Variants in IMMT observed in about 807,000 individuals in gnomAD.
The protein encoded by IMMT is MICOS complex subunit MIC60.
Under a neutral mutation model 92.7 loss-of-function variants are expected in IMMT, and 40 were observed. The ratio of observed to expected loss-of-function variants is 0.43; its 90% CI spans 0.34 to 0.56. IMMT has a LOEUF of 0.56. IMMT is among the 20% of genes least tolerant of loss of function. IMMT has a pLI of 0.03. For missense variants in IMMT, 831 were observed against 912.1 expected, an observed-to-expected ratio of 0.91 and a Z score of 1.14; for synonymous variants, 322 against 336.1, an observed-to-expected ratio of 0.96 and a Z score of 0.46.
chr2:86,154,776 G>A (rs1212784567), intron 10 of IMMT, among the ~76,000 whole-genome samples: 1 of 152,170 alleles, frequency 6.6e-6, no homozygotes, highest in Admixed American at 6.5e-5. Context: ...AGTATCACAA[G>A]TACCCAGTGT....
Position 86,173,701 on chromosome 2 carries a change from G to A in IMMT, c.370C>T (p.Pro124Ser), listed in dbSNP as rs1050301. 538,940 of 1,598,506 alleles carry A rather than the reference G, an allele frequency of 0.34. 96,177 individuals carry two copies. The highest frequency in any genetic ancestry group is 0.49 in the East Asian group (22,013 of 44,724). Reference sequence around the variant, plus strand: ...TTTTGTTTTTGGAGTTGTGAGGCAGGCTGTTTAGATTCTTTCATTACTTCT... The same window carrying A: ...TTTTGTTTTTGGAGTTGTGAGGCAGACTGTTTAGATTCTTTCATTACTTCT... ...VSEVMKESKQ[P>S]ASQLQKQKGD... The change falls in exon 4 of 15, where the codon CCT becomes TCT. Residue 124 changes from proline (P) to serine (S), a missense_variant. Transcript: ENST00000410111.
chr2:86,175,691 GATGTTTA>G (rs1677386195), intron 3 of IMMT, among the ~76,000 whole-genome samples: 1 of 148,946 alleles, frequency 6.7e-6, no homozygotes. Context: ...AAGTTGACAC[GATGTTTA>G]ACAGTAGAGA....
At position 86,179,499 on chromosome 2, in the gene IMMT, G is replaced by A; in HGVS notation, c.243C>T (p.Tyr81=). Residue 81 remains tyrosine, a synonymous_variant, in exon 3 of 15, where the codon TAC becomes TAT. Transcript: ENST00000410111. ...GAACCATCTCGAAGAGTTTGTCTGA[G>A]TAAGGTATGGTTTTCTCTACACTTT... ...FRESVEKTIP[Y]SDKLFEMVLG... 1 of 1,613,438 alleles carries A rather than the reference G, an allele frequency of 6.2e-7. No individual in the cohort carries two copies. The highest frequency in any genetic ancestry group is 8.5e-7 in the Non-Finnish European group (1 of 1,179,660).
intron 4 of IMMT, among the ~76,000 whole-genome samples, chr2:86,172,161 G>T (rs1444331619): frequency 6.6e-6 from 1 of 151,788 alleles, no homozygotes; most frequent in African/African-American, 2.4e-5. Flanking sequence ...TAGAGACAGG[G>T]TCTCCCCTCT....
intron 3 of IMMT, among the ~76,000 whole-genome samples, chr2:86,175,907 G>GA (rs1381054888): frequency 1.3e-5 from 2 of 152,180 alleles, no homozygotes; most frequent in African/African-American, 4.8e-5. Context: ...GATCTTAGAT[G>GA]AGTTCTATCT....
At chr2:86,176,578 C>G (rs952843611) in intron 3 of IMMT, among the ~76,000 whole-genome samples, 2 of 152,232 alleles carry the variant, frequency 1.3e-5, no homozygotes, top group Admixed American at 6.5e-5. Flanking sequence ...GAAGAATCTA[C>G]GAATTCTGGC....
rs7597608 is a variant in IMMT, at chr2:86,145,275, A to G, written c.1664-394T>C. Among the ~76,000 whole-genome samples the G allele has an allele frequency of 6.4e-3, 976 of 152,072 alleles. 10 individuals are homozygous for G. The highest frequency in any genetic ancestry group is 0.022 in the African/African-American group (923 of 41,506). On this transcript the variant is annotated intron_variant, in intron 14 of 14. Transcript: ENST00000410111. Reference sequence around the variant, plus strand: ...TTTGGGAGGCCGAGGTGGGTGGATCACTTGTGGTCAGGAGTTCAGGACTAG... The same window carrying G: ...TTTGGGAGGCCGAGGTGGGTGGATCGCTTGTGGTCAGGAGTTCAGGACTAG...
At chr2:86,177,605 GAAAA>G (rs1185082314) in intron 3 of IMMT, among the ~76,000 whole-genome samples, 2 of 135,334 alleles carry the variant, frequency 1.5e-5, no homozygotes, top group African/African-American at 5.5e-5. Context: ...TGTCTCAAAA[GAAAA>G]AAAAAAGAAA....
chr2:86,167,651 A>G (rs1262292102), intron 6 of IMMT, among the ~76,000 whole-genome samples: 1 of 150,540 alleles, frequency 6.6e-6, no homozygotes, highest in Non-Finnish European at 1.5e-5. Flanking sequence ...CGCTCAGCTA[A>G]TATTTTGTAT....
At chr2:86,153,793 G>T (rs1438501798) in intron 10 of IMMT, among the ~76,000 whole-genome samples, 1 of 152,116 alleles carries the variant, frequency 6.6e-6, no homozygotes, top group Non-Finnish European at 1.5e-5. Context: ...GAAAATAAAA[G>T]AATCATTGAT....
intron 6 of IMMT, among the ~76,000 whole-genome samples, chr2:86,168,777 A>G (rs1262366755): frequency 1.3e-5 from 2 of 152,228 alleles, no homozygotes; most frequent in Admixed American, 6.5e-5. Flanking sequence ...TGCAAGAAAG[A>G]TAAGAGGAAA....
intron 1 of IMMT, among the ~76,000 whole-genome samples, chr2:86,193,431 GT>G (rs1172281597): frequency 6.6e-6 from 1 of 151,764 alleles, no homozygotes; most frequent in East Asian, 1.9e-4. Context: ...GAAAGATGGG[GT>G]TTAATAAAGT....
chr2:86,164,691 A>AAAAAAAAG (rs1676546652), intron 7 of IMMT, among the ~76,000 whole-genome samples: 1 of 148,962 alleles, frequency 6.7e-6, no homozygotes, highest in Non-Finnish European at 1.5e-5. Context: ...CTCTGTCTCA[A>AAAAAAAAG]AAAAAAAAAA....
chr2:86,180,853 C>T (rs1672391137), intron 2 of IMMT, among the ~76,000 whole-genome samples: 1 of 151,750 alleles, frequency 6.6e-6, no homozygotes, highest in Admixed American at 6.6e-5. Context: ...AGCCACTGCA[C>T]TCCAGCCTGG....
intron 1 of IMMT, chr2:86,193,229 C>T (rs1673276992): frequency 1.3e-5 from 2 of 151,664 alleles, no homozygotes; most frequent in Non-Finnish European, 2.9e-5. Flanking sequence ...CACAGAGAGA[C>T]TCCGTCTCTA....
At chr2:86,168,682 A>G (rs1676886968) in intron 6 of IMMT, among the ~76,000 whole-genome samples, 1 of 152,234 alleles carries the variant, frequency 6.6e-6, no homozygotes, top group South Asian at 2.1e-4. Flanking sequence ...GTATTTGACA[A>G]GCGAGAAAAA....
chr2:86,191,476 C>T (rs2105703576), intron 1 of IMMT, among the ~76,000 whole-genome samples: 1 of 152,300 alleles, frequency 6.6e-6, no homozygotes, highest in South Asian at 2.1e-4. Flanking sequence ...GCACCATCCA[C>T]TCTCCTGGGT....
intron 5 of IMMT, 35 bp downstream of exon 5, chr2:86,171,173 A>G (rs1016405674): frequency 6.5e-7 from 1 of 1,537,422 alleles, no homozygotes; most frequent in African/African-American, 1.4e-5. Flanking sequence ...TGAGTGTATC[A>G]TGTATAAAAG....
chr2:86,170,379 A>G (rs1289306474), intron 6 of IMMT, among the ~76,000 whole-genome samples: 1 of 152,234 alleles, frequency 6.6e-6, no homozygotes, highest in Non-Finnish European at 1.5e-5. Flanking sequence ...TGACAGTGCC[A>G]CCGCACTCCA....
Sources: allele counts gnomAD v4.1 joint callset (sites outside exome capture counted in the v4.1 genomes callset), GRCh38; gene constraint gnomAD v4.1.1; transcripts MANE v1.5; gene names NCBI Gene and HGNC (gene_info 2026-07-23, HGNC 2026-07-21).